The following TMOD2 variants were observed in gnomAD, a reference collection of about 807,000 sequenced individuals.
The protein encoded by TMOD2 is tropomodulin 2.
In TMOD2, 22 loss-of-function variants were observed where a neutral mutation model predicts 39.9. The ratio of observed to expected loss-of-function variants is 0.55; its 90% CI spans 0.39 to 0.79. TMOD2 has a LOEUF of 0.79. Ranked by LOEUF, TMOD2 falls within the 30% of genes least tolerant of loss-of-function variation. TMOD2 has a pLI of 0.00. For missense variants in TMOD2, 386 were observed against 413.3 expected (o/e 0.93, Z 0.57); for synonymous variants, 123 against 146.1 (o/e 0.84, Z 1.14).
intron 4 of TMOD2, among the ~76,000 whole-genome samples, chr15:51,774,928 A>T (rs2141622323): frequency 6.6e-6 from 1 of 152,138 alleles, no homozygotes; most frequent in South Asian, 2.1e-4. Flanking sequence ...TAGATCCTGA[A>T]ATTCATACAG....
chr15:51,785,588 C>T (rs992717579), intron 7 of TMOD2, among the ~76,000 whole-genome samples: 3 of 151,664 alleles, frequency 2.0e-5, no homozygotes, highest in Non-Finnish European at 4.4e-5. Flanking sequence ...ATAAATATAG[C>T]ATGTTCTCAC....
chr15:51,807,306 T>C (rs1033868447), intron 9 of TMOD2, among the ~76,000 whole-genome samples: 1 of 152,186 alleles, frequency 6.6e-6, no homozygotes, highest in Admixed American at 6.5e-5. Flanking sequence ...AGTGCTGGCC[T>C]CAAGGAGGAC....
At chr15:51,753,331 T>A (rs551355952) in intron 1 of TMOD2, among the ~76,000 whole-genome samples, 3 of 152,204 alleles carry the variant, frequency 2.0e-5, no homozygotes, top group Non-Finnish European at 4.4e-5. Context: ...AATGGAGAAA[T>A]TAGGAGGTCA....
At chr15:51,801,237 T>TCTCTCTCA (rs1491214017) in intron 8 of TMOD2, among the ~76,000 whole-genome samples, 13 of 102,136 alleles carry the variant, frequency 1.3e-4, no homozygotes, top group African/African-American at 5.2e-4. Flanking sequence ...TCTCTCTCTC[T>TCTCTCTCA]CACACACACA....
At chr15:51,807,354 G>A (rs1273007397) in intron 9 of TMOD2, among the ~76,000 whole-genome samples, 13 of 152,178 alleles carry the variant, frequency 8.5e-5, no homozygotes, top group Non-Finnish European at 1.8e-4. Flanking sequence ...AGGTTAGAAC[G>A]GGAAGGGGCA....
At chr15:51,763,752 G>T (rs967609527) in intron 1 of TMOD2, among the ~76,000 whole-genome samples, 10 of 152,158 alleles carry the variant, frequency 6.6e-5, no homozygotes, top group Admixed American at 4.6e-4. Flanking sequence ...TTTGAAGTTG[G>T]TGCTTTTGAT....
In TMOD2 at chr15:51,781,101, A is replaced by G. The variant is rs1421303534; in HGVS notation, c.551A>G (p.Asn184Ser). ...PVFEEPPNPT[N>S]VEISLQQMKA... is the part of the protein sequence containing the mutation. ...TTTGAGGAACCACCAAATCCCACAA[A>G]TGTGGAAATAAGCCTGCAGCAGATG... The change falls in exon 6 of 10, where the codon AAT becomes AGT. Residue 184 changes from asparagine (N) to serine (S), a missense_variant. Transcript: ENST00000249700. 3 of 1,613,032 alleles carry G rather than the reference A, an allele frequency of 1.9e-6. No homozygotes were observed. The highest frequency in any genetic ancestry group is 3.3e-4 in the Middle Eastern group (2 of 6,062).
intron 8 of TMOD2, among the ~76,000 whole-genome samples, chr15:51,800,696 T>G (rs970370425): frequency 3.9e-5 from 6 of 152,266 alleles, no homozygotes; most frequent in East Asian, 3.9e-4. Flanking sequence ...TATTTCTTTT[T>G]TTTGTTTGTT....
chr15:51,782,871 C>T (rs760920263), intron 7 of TMOD2, 43 bp downstream of exon 7: 1 of 1,541,664 alleles, frequency 6.5e-7, no homozygotes, highest in African/African-American at 1.4e-5. Context: ...TTATTTAATT[C>T]ACTGGAAACT....
At position 51,759,308 on chromosome 15, in the gene TMOD2, A is replaced by G. The variant is rs181829057; in HGVS notation, c.-69-7065A>G. On this transcript the variant is annotated intron_variant, in intron 1 of 9. Coordinates refer to ENST00000249700, the MANE Select transcript of TMOD2 (RefSeq NM_014548.4). ...ATATTTGAGGTGTCTGAGGCAGCCA[A>G]GGAGAGATGTGAATTAGGCAGATGG... is the stretch of plus-strand genomic sequence containing the variant. Among the ~76,000 whole-genome samples the G allele has an allele frequency of 2.1e-3, 321 of 152,308 alleles. 5 individuals carry two copies. Among genetic ancestry groups the G allele is most frequent in the Non-Finnish European group, 4.9e-4 (33 of 68,030 alleles).
chr15:51,770,628 A>G (rs1429179796), intron 3 of TMOD2, among the ~76,000 whole-genome samples: 2 of 152,086 alleles, frequency 1.3e-5, no homozygotes, highest in African/African-American at 2.4e-5. Context: ...ATCACACATC[A>G]TTGAGAATGT....
At chr15:51,792,950 C>T (rs1402298881) in intron 7 of TMOD2, among the ~76,000 whole-genome samples, 1 of 152,022 alleles carries the variant, frequency 6.6e-6, no homozygotes, top group African/African-American at 2.4e-5. Flanking sequence ...CACCATGGCA[C>T]GTGTATACCT....
rs1330113416 is a variant in TMOD2, at chr15:51,814,560, GT to G, written c.*6108del. On this transcript the variant is annotated 3_prime_UTR_variant, in exon 10 of 10. Coordinates refer to ENST00000249700, the MANE Select transcript of TMOD2 (RefSeq NM_014548.4). ...CATAGTAGGTGCTTAATGAACAAAT[GT>G]TGCTTGAATTTAGCTGTCGTCCAGC... 1 of 152,230 alleles carries G rather than the reference GT, an allele frequency of 6.6e-6. No individual in the cohort carries two copies. Among genetic ancestry groups the G allele is most frequent in the Non-Finnish European group, 1.5e-5 (1 of 68,064 alleles). 9.4% of individuals were successfully genotyped at this position (152,230 alleles called of 1,614,324 possible).
At chr15:51,752,047 G>GTGTTCTTCCACTCCGGGCTT (rs1271965748) in intron 1 of TMOD2, among the ~76,000 whole-genome samples, 2 of 151,964 alleles carry the variant, frequency 1.3e-5, no homozygotes, top group African/African-American at 4.8e-5. Flanking sequence ...CTGCGGGGCT[G>GTGTTCTTCCACTCCGGGCTT]TGTTCTTCCA....
At chr15:51,808,279 T>A in intron 9 of TMOD2, 141 bp from the exon 10 acceptor site, 1 of 582,890 alleles carries the variant, frequency 1.7e-6, no homozygotes, top group Non-Finnish European at 3.0e-6. Context: ...TTCCATTGAT[T>A]GTCATGGTTA....
chr15:51,803,348 T>C (rs1192473015), intron 8 of TMOD2, among the ~76,000 whole-genome samples: 1 of 151,936 alleles, frequency 6.6e-6, no homozygotes, highest in Non-Finnish European at 1.5e-5. Flanking sequence ...CCCCTGCTAA[T>C]TTGTGTATTT....
chr15:51,793,405 T>G (rs2056026317), intron 7 of TMOD2, among the ~76,000 whole-genome samples: 1 of 152,234 alleles, frequency 6.6e-6, no homozygotes, highest in African/African-American at 2.4e-5. Flanking sequence ...CAGTGTGTTT[T>G]ATGTTTGCAG....
intron 7 of TMOD2, among the ~76,000 whole-genome samples, chr15:51,789,642 G>C (rs147136548): frequency 2.6e-5 from 4 of 152,310 alleles, no homozygotes; most frequent in African/African-American, 9.6e-5. Context: ...TAAAAGAACA[G>C]AAATCACAAC....
intron 1 of TMOD2, among the ~76,000 whole-genome samples, chr15:51,758,523 C>A (rs1026994280): frequency 6.6e-6 from 1 of 152,180 alleles, no homozygotes; most frequent in Non-Finnish European, 1.5e-5. Flanking sequence ...GAACTCATTT[C>A]TTTCACATGA....
Sources: gnomAD v4.1 joint callset for allele counts (sites outside exome capture counted in the v4.1 genomes callset) on GRCh38, gnomAD v4.1.1 for gene constraint, MANE v1.5 for transcripts, NCBI Gene and HGNC (gene_info 2026-07-23, HGNC 2026-07-21) for gene names.